SH3BGRL2: variants seen among roughly 807,000 people sequenced by gnomAD.
The protein encoded by SH3BGRL2 is SH3 domain binding glutamate rich protein like 2, also known as SH3 domain-binding glutamic acid-rich-like protein 2.
SH3BGRL2 carries 21 observed loss-of-function variants against 14.8 expected under a neutral mutation model. That is an observed-to-expected ratio of 1.42 (90% confidence interval 1.01 to 2.05). The LOEUF (loss-of-function observed/expected upper bound fraction) is 2.05, where lower values mean the gene tolerates loss of function less well. SH3BGRL2 is among the 30% of genes most tolerant of loss of function. The probability of loss-of-function intolerance (pLI) is 0.00; values close to 1 mark genes in which losing one functional copy is unlikely to be tolerated. For missense variants in SH3BGRL2, 147 were observed against 130.8 expected (o/e 1.12, Z -0.61); for synonymous variants, 50 against 47.8 (o/e 1.05, Z -0.19).
upstream of SH3BGRL2, chr6:79,631,318 G>A (rs548674043): frequency 6.0e-6 from 4 of 666,228 alleles, no homozygotes; most frequent in South Asian, 3.5e-5. Context: ...CGGACCCGCC[G>A]GGAGGGAGCC....
the SH3BGRL2 span, among the ~76,000 whole-genome samples, chr6:79,570,242 C>G: frequency 6.6e-6 from 1 of 152,122 alleles, no homozygotes; most frequent in South Asian, 2.1e-4. Flanking sequence ...CCAGAAATCT[C>G]CTAACACAAC....
At chr6:79,658,308 A>T (rs1403367993) in intron 1 of SH3BGRL2, among the ~76,000 whole-genome samples, 1 of 152,118 alleles carries the variant, frequency 6.6e-6, no homozygotes, top group African/African-American at 2.4e-5. Flanking sequence ...CCACCACCCG[A>T]CAGGCCCCAG....
At chr6:79,671,283 G>A (rs573291598) in intron 1 of SH3BGRL2, among the ~76,000 whole-genome samples, 16 of 152,160 alleles carry the variant, frequency 1.1e-4, no homozygotes, top group Middle Eastern at 3.4e-3. Context: ...CCTGACCAAC[G>A]TGGAGAAACC....
the SH3BGRL2 span, among the ~76,000 whole-genome samples, chr6:79,594,990 G>A: frequency 6.6e-6 from 1 of 152,178 alleles, no homozygotes; most frequent in Non-Finnish European, 1.5e-5. Flanking sequence ...CTGAGGTTAA[G>A]AATCTGCTGT....
the SH3BGRL2 span, among the ~76,000 whole-genome samples, chr6:79,538,018 G>GTTTTTTTTTTTTTTTTTTTTTT: frequency 2.3e-5 from 1 of 44,146 alleles, no homozygotes; most frequent in Non-Finnish European, 4.2e-5. Context: ...TTGCACACAA[G>GTTTTTTTTTTTTTTTTTTTTTT]TTTTTTTTTT....
chr6:79,618,938 AG>A, the SH3BGRL2 span, among the ~76,000 whole-genome samples: 1 of 151,500 alleles, frequency 6.6e-6, no homozygotes, highest in African/African-American at 2.4e-5. Flanking sequence ...ATAAACAGTA[AG>A]TGTACTGTGT....
At chr6:79,622,161 T>A in the SH3BGRL2 span, among the ~76,000 whole-genome samples, 1 of 152,154 alleles carries the variant, frequency 6.6e-6, no homozygotes, top group Non-Finnish European at 1.5e-5. Flanking sequence ...TGACCAAACC[T>A]GCAGCTGCAT....
chr6:79,538,024 T>G, the SH3BGRL2 span, among the ~76,000 whole-genome samples: 3 of 69,042 alleles, frequency 4.3e-5, no homozygotes, highest in South Asian at 5.7e-4. Context: ...ACAAGTTTTT[T>G]TTTTTTTTTT....
At chr6:79,553,355 C>T in the SH3BGRL2 span, among the ~76,000 whole-genome samples, 20 of 152,098 alleles carry the variant, frequency 1.3e-4, no homozygotes, top group Non-Finnish European at 1.8e-4. Flanking sequence ...CACAAAAGCT[C>T]AGCTTTAGGC....
chr6:79,641,596 T>A (rs1351086350), intron 1 of SH3BGRL2, among the ~76,000 whole-genome samples: 1 of 152,206 alleles, frequency 6.6e-6, no homozygotes, highest in African/African-American at 2.4e-5. Flanking sequence ...GGGATAGGAA[T>A]GGTATTTTAT....
Position 79,695,201 on chromosome 6 carries a change from C to T in SH3BGRL2, c.232-1284C>T, listed in dbSNP as rs142065807. Among the ~76,000 whole-genome samples, 10 of 152,228 alleles carry T rather than the reference C, an allele frequency of 6.6e-5. No individual in the cohort carries two copies. In the East Asian group the frequency reaches 1.9e-3, roughly 29 times the overall value. On this transcript the variant is annotated intron_variant, in intron 2 of 3. Coordinates refer to ENST00000369838, the MANE Select transcript of SH3BGRL2 (RefSeq NM_031469.4). The stretch of plus-strand genomic sequence containing the variant: ...TGCCAGTTTTCAAAGAAGACTTGGC[C>T]AAATCGCTCTTTTCAGACATGTTGC...
intron 1 of SH3BGRL2, among the ~76,000 whole-genome samples, chr6:79,633,878 G>A (rs1481837230): frequency 3.3e-5 from 5 of 152,156 alleles, no homozygotes; most frequent in African/African-American, 1.2e-4. Flanking sequence ...TTGGGCTGGC[G>A]AGGCTAATGG....
intron 1 of SH3BGRL2, among the ~76,000 whole-genome samples, chr6:79,650,448 G>A (rs754145295): frequency 2.0e-5 from 3 of 152,096 alleles, no homozygotes; most frequent in African/African-American, 4.8e-5. Flanking sequence ...CCTGAAGCTG[G>A]GTAATTTATA....
At chr6:79,572,060 T>C in the SH3BGRL2 span, among the ~76,000 whole-genome samples, 3 of 152,292 alleles carry the variant, frequency 2.0e-5, no homozygotes, top group Admixed American at 2.0e-4. Flanking sequence ...CATTGGTATG[T>C]TTTAATTACC....
the SH3BGRL2 span, among the ~76,000 whole-genome samples, chr6:79,572,693 C>A: frequency 2.0e-5 from 3 of 152,104 alleles, no homozygotes; most frequent in African/African-American, 4.8e-5. Flanking sequence ...TCTCGATCTC[C>A]TGACCTCGTG....
At chr6:79,573,974 C>G in the SH3BGRL2 span, 1 of 152,104 alleles carries the variant, frequency 6.6e-6, no homozygotes, top group Non-Finnish European at 1.5e-5. Flanking sequence ...GTACAAGATT[C>G]TATGTGTGTC....
intron 2 of SH3BGRL2, among the ~76,000 whole-genome samples, chr6:79,685,559 G>A (rs1275288673): frequency 6.6e-6 from 1 of 151,976 alleles, no homozygotes; most frequent in African/African-American, 2.4e-5. Context: ...GAAAGTTGAA[G>A]AGAAATTGAC....
intron 2 of SH3BGRL2, among the ~76,000 whole-genome samples, chr6:79,691,825 T>C (rs1770223670): frequency 6.6e-6 from 1 of 151,778 alleles, no homozygotes; most frequent in Non-Finnish European, 1.5e-5. Flanking sequence ...TACGTGTGCA[T>C]GTGTCTTTAT....
the SH3BGRL2 span, among the ~76,000 whole-genome samples, chr6:79,598,068 T>C: frequency 6.6e-6 from 1 of 152,124 alleles, no homozygotes; most frequent in African/African-American, 2.4e-5. Context: ...TCACTTCACA[T>C]GGAATTACTA....
Sources: gnomAD v4.1 joint callset for allele counts (sites outside exome capture counted in the v4.1 genomes callset) on GRCh38, gnomAD v4.1.1 for gene constraint, MANE v1.5 for transcripts, NCBI Gene and HGNC (gene_info 2026-07-23, HGNC 2026-07-21) for gene names.